The following NCOA4 variants were observed in gnomAD, a reference collection of about 807,000 sequenced individuals.
NCOA4 encodes the protein nuclear receptor coactivator 4.
NCOA4 carries 31 observed loss-of-function variants against 69.5 expected under a neutral mutation model. The observed-to-expected ratio is 0.45, with a 90% CI of 0.34 to 0.60. The LOEUF (loss-of-function observed/expected upper bound fraction) is 0.60, where lower values mean the gene tolerates loss of function less well. Ranked by LOEUF, NCOA4 falls within the 20% of genes least tolerant of loss-of-function variation. The pLI is 0.02. For missense variants in NCOA4, 600 were observed against 719.2 expected (o/e 0.83, Z 1.90); for synonymous variants, 228 against 252.4 (o/e 0.90, Z 0.92).
At position 46,005,954 on chromosome 10, in the gene NCOA4, AAGAC is replaced by A. The variant is rs1419444089; in HGVS notation, c.*634_*637del. The A allele has an allele frequency of 1.5e-5, 3 of 205,750 alleles. No individual in the cohort carries two copies. Among genetic ancestry groups the A allele is most frequent in the African/African-American group, 4.6e-5 (2 of 43,846 alleles). The allele number at this position is 205,750 out of a possible 1,614,324, so 12.7% of individuals were successfully genotyped here. A position where few individuals can be genotyped will look rare whatever the true frequency, so the allele number is the denominator to read the frequency against. ...TGGATATTTTAATAACATTTACAGAAAGACAAAATTTGCAGTAGCTGAGTTTAAG... is the reference window on the plus strand; with the variant it reads ...TGGATATTTTAATAACATTTACAGAAAAAATTTGCAGTAGCTGAGTTTAAG... On this transcript the variant is annotated 3_prime_UTR_variant, in exon 10 of 10. Coordinates refer to ENST00000581486, the MANE Select transcript of NCOA4 (RefSeq NM_001145263.2).
chr10:46,029,303 T>C (rs1840330121), intron 1 of NCOA4, among the ~76,000 whole-genome samples: 1 of 152,246 alleles, frequency 6.6e-6, no homozygotes, highest in Non-Finnish European at 1.5e-5. Flanking sequence ...GGAACGTTAT[T>C]GTGCTGGACT....
chr10:46,025,332 CCA>C (rs1164391388), intron 1 of NCOA4, among the ~76,000 whole-genome samples: 5 of 152,120 alleles, frequency 3.3e-5, no homozygotes, highest in Non-Finnish European at 7.3e-5. Context: ...TGGATGGTGC[CCA>C]CACACACTGA....
intron 1 of NCOA4, among the ~76,000 whole-genome samples, chr10:46,026,244 T>C (rs1206821666): frequency 6.6e-6 from 1 of 152,234 alleles, no homozygotes; most frequent in Admixed American, 6.5e-5. Flanking sequence ...AAGACAAAGC[T>C]GGCAAGGGTG....
Position 46,015,267 on chromosome 10 carries a change from C to A in NCOA4, c.142-1G>T, listed in dbSNP as rs1554922941. 2 of 1,601,096 alleles carry A rather than the reference C, an allele frequency of 1.2e-6. No homozygotes were observed. Among genetic ancestry groups the A allele is most frequent in the Non-Finnish European group, 1.7e-6 (2 of 1,173,434 alleles). ...TGCAACTGTGAATCTGAGCTTTGAC[C>A]TAGGAAACACATACATGTTAGCTTC... On this transcript the variant is annotated splice_acceptor_variant, in intron 2 of 9. Coordinates refer to ENST00000581486, the MANE Select transcript of NCOA4 (RefSeq NM_001145263.2). LOFTEE classifies it high-confidence loss of function.
intron 4 of NCOA4, 147 bp from the exon 5 acceptor site, chr10:46,014,699 C>T (rs1839433333): frequency 1.3e-6 from 1 of 764,810 alleles, no homozygotes; most frequent in Admixed American, 2.8e-5. Flanking sequence ...ATTCATGTAT[C>T]AGCAAGTATA....
intron 6 of NCOA4, among the ~76,000 whole-genome samples, 192 bp from the exon 7 acceptor site, chr10:46,013,218 G>GA (rs1839339285): frequency 1.3e-5 from 2 of 152,092 alleles, no homozygotes; most frequent in South Asian, 4.1e-4. Flanking sequence ...AAAACATATA[G>GA]AAACCTTTAT....
intron 1 of NCOA4, among the ~76,000 whole-genome samples, chr10:46,025,937 A>T (rs1379506645): frequency 2.0e-5 from 3 of 152,244 alleles, no homozygotes; most frequent in African/African-American, 4.8e-5. Context: ...CCTTGTCATT[A>T]CCAACCGTTC....
intron 1 of NCOA4, among the ~76,000 whole-genome samples, chr10:46,018,094 A>C (rs1395560840): frequency 1.3e-5 from 2 of 152,240 alleles, no homozygotes; most frequent in African/African-American, 2.4e-5. Context: ...CTGAATAATA[A>C]GATTATTTTT....
Position 46,014,512 on chromosome 10 carries a change from G to C in NCOA4, c.412C>G (p.Leu138Val). The C allele has an allele frequency of 6.2e-7, 1 of 1,613,946 alleles. No individual in the cohort carries two copies. The highest frequency in any genetic ancestry group is 1.1e-5 in the South Asian group (1 of 91,062). The change falls in exon 5 of 10, where the codon CTG becomes GTG. Residue 138 changes from leucine to valine, a missense_variant. Transcript: ENST00000581486. ...GTAATTGTGTCAGCTTCAAAGAGCA[G>C]GACAGTTGAATCTTCAGGCTTAAGG... ...LTLKPEDSTV[L>V]LFEADTITLR...
At chr10:46,027,096 C>T (rs1255139152) in intron 1 of NCOA4, among the ~76,000 whole-genome samples, 1 of 151,952 alleles carries the variant, frequency 6.6e-6, no homozygotes, top group Non-Finnish European at 1.5e-5. Context: ...CGGTGAAACC[C>T]CATCTCTACT....
At chr10:46,012,738 A>G in intron 7 of NCOA4, 145 bp downstream of exon 7, 1 of 768,582 alleles carries the variant, frequency 1.3e-6, no homozygotes, top group Non-Finnish European at 1.8e-6. Context: ...CTTATTTTCT[A>G]AACTTTCTAT....
rs1458997239 is a variant in NCOA4 at position 46,005,759 on chromosome 10, G to C, written c.*833C>G. 4.7e-6 allele frequency: 1 copy of C among 214,034 alleles called. No homozygotes were observed. Among genetic ancestry groups the C allele is most frequent in the Non-Finnish European group, 9.4e-6 (1 of 105,844 alleles). The allele number at this position is 214,034 out of a possible 1,614,324, so 13.3% of individuals were successfully genotyped here. A position where few individuals can be genotyped will look rare whatever the true frequency, so the allele number is the denominator to read the frequency against. ...CACAGGATGCACCAATTATCCCTAT[G>C]ATAGTGACTGTTTCAAGTACTATAC... On this transcript the variant is annotated 3_prime_UTR_variant, in exon 10 of 10. Coordinates refer to ENST00000581486, the MANE Select transcript of NCOA4 (RefSeq NM_001145263.2).
chr10:46,023,573 C>G, intron 1 of NCOA4: 2 of 962,770 alleles, frequency 2.1e-6, no homozygotes, highest in Non-Finnish European at 2.5e-6. Context: ...GGCCCCCCTG[C>G]AGCTCCCTCC....
chr10:46,023,086 G>A (rs1839978584), intron 1 of NCOA4, among the ~76,000 whole-genome samples: 1 of 152,176 alleles, frequency 6.6e-6, no homozygotes, highest in South Asian at 2.1e-4. Flanking sequence ...AAAACCGACC[G>A]CAAGGCATTT....
rs186571351 is a variant in NCOA4 at position 46,016,510 on chromosome 10, G to A, written c.141+30C>T. ...AAATCAGCCCTGTGTCAAGAGTCCA[G>A]ACAACAGAAGAGAAAAGCACATGTC... On this transcript the variant is annotated intron_variant, in intron 2 of 9. Transcript: ENST00000581486. The A allele has an allele frequency of 2.0e-5, 28 of 1,414,590 alleles. No homozygotes were observed. In the East Asian group the frequency reaches 5.1e-4, roughly 26 times the overall value. 87.6% of individuals were successfully genotyped at this position (1,414,590 alleles called of 1,614,324 possible). A position where few individuals can be genotyped will look rare whatever the true frequency, so the allele number is the denominator to read the frequency against.
rs570964184 is a variant in NCOA4 at position 46,029,157 on chromosome 10, T to C, written c.-15+1369A>G. 3.9e-5 allele frequency among the ~76,000 whole-genome samples: 6 copies of C among 152,324 alleles called. No individual in the cohort carries two copies. The South Asian group carries it at 1.2e-3, about 32-fold the overall frequency. ...CATGTTTTTCCATTTCCGAAATGCC[T>C]GTTTGCACAAAGGTAATAATGTAAT... On this transcript the variant is annotated intron_variant, in intron 1 of 9. Transcript: ENST00000581486.
Position 46,012,876 on chromosome 10 carries a change from A to C in NCOA4, c.714+7T>G. On this transcript the variant is annotated splice_region_variant and intron_variant, in intron 7 of 9. Coordinates refer to ENST00000581486, the MANE Select transcript of NCOA4 (RefSeq NM_001145263.2). ...CTACTGTAGAAACAATAAAAGCAGC[A>C]ACAGACCTGACTGTTCTCCAAGGTC... 1 of 1,613,930 alleles carries C rather than the reference A, an allele frequency of 6.2e-7. No homozygotes were observed. The highest frequency in any genetic ancestry group is 8.5e-7 in the Non-Finnish European group (1 of 1,179,908).
At chr10:46,024,853 G>T (rs1840074977) in intron 1 of NCOA4, among the ~76,000 whole-genome samples, 1 of 152,110 alleles carries the variant, frequency 6.6e-6, no homozygotes. Flanking sequence ...CTCTCCTATG[G>T]CTCCCCATTT....
intron 1 of NCOA4, among the ~76,000 whole-genome samples, chr10:46,018,256 C>T (rs1201459352): frequency 6.6e-6 from 1 of 152,090 alleles, no homozygotes; most frequent in African/African-American, 2.4e-5. Context: ...GATCCCAAAA[C>T]AATCTCTACA....
Sources: allele counts gnomAD v4.1 joint callset (sites outside exome capture counted in the v4.1 genomes callset), GRCh38; gene constraint gnomAD v4.1.1; transcripts MANE v1.5; gene names NCBI Gene and HGNC (gene_info 2026-07-23, HGNC 2026-07-21).